Variants in USP54 observed in about 807,000 individuals in gnomAD.
USP54 encodes ubiquitin specific peptidase 54.
Under a neutral mutation model 170.5 loss-of-function variants are expected in USP54, and 87 were observed. That is an observed-to-expected ratio of 0.51 (90% CI 0.43 to 0.61). USP54 has a LOEUF of 0.61. USP54 is among the 20% of genes least tolerant of loss of function. The probability of loss-of-function intolerance (pLI) is 0.00; values close to 1 mark genes in which losing one functional copy is unlikely to be tolerated. For synonymous variants in USP54, 655 were observed against 742.8 expected (o/e 0.88, Z 1.92); for missense variants, 1,786 against 2,047.8 (o/e 0.87, Z 2.47).
At chr10:73,592,940 A>G (rs955311347), upstream of USP54, among the ~76,000 whole-genome samples, 6 of 152,222 alleles carry the variant, frequency 3.9e-5, no homozygotes, top group African/African-American at 1.2e-4. Flanking sequence ...TTCCCTCTTC[A>G]AGACTGCACA....
At chr10:73,516,347 T>TC (rs761145045) in intron 20 of USP54, 28 bp downstream of exon 20, 1 of 1,517,304 alleles carries the variant, frequency 6.6e-7, no homozygotes. Context: ...TCCTCCCCCC[T>TC]CCCCCCAACC....
chr10:73,613,206 C>T (rs915626242), intron 1 of USP54, among the ~76,000 whole-genome samples: 1 of 146,756 alleles, frequency 6.8e-6, no homozygotes, highest in Non-Finnish European at 1.5e-5. Flanking sequence ...GTGATCTTGG[C>T]TCACTGCAAC....
In USP54 at chr10:73,606,963, G is replaced by A. The variant is rs535255761; in HGVS notation, c.-18+18604C>T. 2.6e-5 allele frequency among the ~76,000 whole-genome samples: 4 copies of A among 151,372 alleles called. 1 individual carries two copies. The South Asian group carries it at 8.4e-4, about 32-fold the overall frequency. On this transcript the variant is annotated intron_variant, in intron 1 of 22. Transcript: ENST00000339859. ...CCTAACTGAACAGTTTCATACAACTGAAAAACCTAATATGTTCAGGGCAGC... is the reference window on the plus strand; with the variant it reads ...CCTAACTGAACAGTTTCATACAACTAAAAAACCTAATATGTTCAGGGCAGC...
intron 1 of USP54, among the ~76,000 whole-genome samples, chr10:73,604,649 G>A (rs1048860920): frequency 4.0e-5 from 6 of 149,212 alleles, no homozygotes; most frequent in Admixed American, 2.7e-4. Context: ...GGAGTGCAGT[G>A]GTGCAATCTT....
rs1398628376 is a variant in USP54 at position 73,561,119 on chromosome 10, A to AG, written c.240+10301_240+10302insC. ...GACTCCATCTCAAAAAAAAAAAAAA[A>AG]AAAAAAAAAGAAATCCAAGAACTAC... On this transcript the variant is annotated intron_variant, in intron 4 of 23. Transcript: ENST00000687698. 2.6e-5 allele frequency among the ~76,000 whole-genome samples: 4 copies of AG among 150,968 alleles called. No individual in the cohort carries two copies. In the East Asian group the frequency reaches 7.8e-4, roughly 29 times the overall value.
intron 1 of USP54, among the ~76,000 whole-genome samples, chr10:73,578,470 C>T (rs562095662): frequency 1.4e-4 from 22 of 151,996 alleles, no homozygotes; most frequent in Admixed American, 1.1e-3. Context: ...GGAGTGCAGT[C>T]GCGCAATATT....
intron 1 of USP54, among the ~76,000 whole-genome samples, chr10:73,590,231 T>C (rs905783334): frequency 2.0e-5 from 3 of 152,214 alleles, no homozygotes; most frequent in African/African-American, 7.2e-5. Flanking sequence ...CAGGTTGTAC[T>C]GGGAATTAGA....
chr10:73,542,904 G>C lies in USP54; in HGVS notation c.490-19C>G. The C allele has an allele frequency of 4.3e-6, 7 of 1,613,934 alleles. No individual in the cohort carries two copies. Among genetic ancestry groups the C allele is most frequent in the African/African-American group, 1.3e-5 (1 of 75,012 alleles). The stretch of plus-strand genomic sequence containing the variant: ...ATACACACTGGGCAAAAGAGAAAAA[G>C]GCAAAACCAAGCAACCATAATCAGG... On this transcript the variant is annotated intron_variant, in intron 6 of 23. Coordinates refer to ENST00000687698, the MANE Select transcript of USP54 (RefSeq NM_001391956.1).
chr10:73,612,452 A>G (rs1421563059), intron 1 of USP54, among the ~76,000 whole-genome samples: 1 of 152,174 alleles, frequency 6.6e-6, no homozygotes, highest in African/African-American at 2.4e-5. Flanking sequence ...AAGCATTATA[A>G]CAGCCTATTC....
At position 73,516,508 on chromosome 10, in the gene USP54, T is replaced by C. The variant is rs752087287; in HGVS notation, c.3918A>G (p.Pro1306=). ...YPERNHILLH[P]HWNQDTEQET... ...CCTGCTCTGTGTCTTGGTTCCAATGTGGATGCAAAAGGATGTGATTTCTCT... is the reference window on the plus strand; with the variant it reads ...CCTGCTCTGTGTCTTGGTTCCAATGCGGATGCAAAAGGATGTGATTTCTCT... The change falls in exon 20 of 24, where the codon CCA becomes CCG. Residue 1306 remains proline (P), a synonymous_variant. Transcript: ENST00000687698. The C allele has an allele frequency of 2.5e-6, 4 of 1,614,180 alleles. No individual in the cohort carries two copies. Among genetic ancestry groups the C allele is most frequent in the Non-Finnish European group, 3.4e-6 (4 of 1,180,040 alleles).
At chr10:73,620,864 C>CAAA (rs199524022) in intron 1 of USP54, among the ~76,000 whole-genome samples, 5,384 of 149,232 alleles carry the variant, frequency 0.036, 197 homozygotes, top group South Asian at 0.12. Flanking sequence ...AACTCTGTCT[C>CAAA]AAACAAACAG....
At chr10:73,548,145 G>A (rs2068296135) in intron 4 of USP54, among the ~76,000 whole-genome samples, 1 of 152,126 alleles carries the variant, frequency 6.6e-6, no homozygotes, top group African/African-American at 2.4e-5. Context: ...CATCGTCACT[G>A]GTCATCAGAG....
chr10:73,551,820 T>C (rs2133612170), intron 4 of USP54, among the ~76,000 whole-genome samples: 1 of 152,366 alleles, frequency 6.6e-6, no homozygotes, highest in Admixed American at 6.5e-5. Flanking sequence ...AGGATAGTTC[T>C]ATACAAATCT....
chr10:73,552,628 T>C (rs1721380790), intron 4 of USP54, among the ~76,000 whole-genome samples: 2 of 151,796 alleles, frequency 1.3e-5, no homozygotes, highest in African/African-American at 4.8e-5. Context: ...CCATCTCTAC[T>C]AAAATTACAA....
rs757004467 is a variant in USP54, at chr10:73,545,520, C to T, written c.375+18G>A. On this transcript the variant is annotated intron_variant, in intron 5 of 23. Transcript: ENST00000687698. ...CAGTCCCACCCCATATCAAAGAGGG[C>T]CAGAGGCCAGCACTTACAAAGCACT... 2 of 1,613,372 alleles carry T rather than the reference C, an allele frequency of 1.2e-6. No homozygotes were observed. Among genetic ancestry groups the T allele is most frequent in the East Asian group, 4.5e-5 (2 of 44,870 alleles).
rs775271772 is a variant in USP54, at chr10:73,505,335, A to G, written c.4143T>C (p.His1381=). 63 of 1,614,018 alleles carry G rather than the reference A, an allele frequency of 3.9e-5. No individual in the cohort carries two copies. Among genetic ancestry groups the G allele is most frequent in the South Asian group, 9.9e-5 (9 of 91,078 alleles). Residue 1381 remains histidine (H), a synonymous_variant, in exon 21 of 24, where the codon CAT becomes CAC. Coordinates refer to ENST00000687698, the MANE Select transcript of USP54 (RefSeq NM_001391956.1). ...GAGAAGTACGCACTGTTCTGGCTTCATGGAGACCATGCTCCATTTCTGCTG... is the reference window on the plus strand; with the variant it reads ...GAGAAGTACGCACTGTTCTGGCTTCGTGGAGACCATGCTCCATTTCTGCTG... ...TSTAEMEHGL[H]EARTVRTSQA...
chr10:73,523,825 G>T, intron 16 of USP54, 75 bp from the exon 17 acceptor site: 1 of 1,186,146 alleles, frequency 8.4e-7, no homozygotes, highest in Non-Finnish European at 1.1e-6. Flanking sequence ...TATGACCACT[G>T]CAATACTTTC....
intron 1 of USP54, among the ~76,000 whole-genome samples, chr10:73,615,891 G>C (rs137937361): frequency 8.3e-6 from 1 of 119,948 alleles, no homozygotes; most frequent in South Asian, 2.7e-4. Context: ...CCTGGGCAAC[G>C]AAGAGATCAG....
intron 4 of USP54, among the ~76,000 whole-genome samples, chr10:73,552,280 G>A (rs1350123815): frequency 1.3e-5 from 2 of 152,162 alleles, no homozygotes; most frequent in Non-Finnish European, 2.9e-5. Context: ...GGGCGTTGCG[G>A]TGAGCGCCTA....
Sources: allele counts gnomAD v4.1 joint callset (sites outside exome capture counted in the v4.1 genomes callset), GRCh38; gene constraint gnomAD v4.1.1; transcripts MANE v1.5; gene names NCBI Gene and HGNC (gene_info 2026-07-23, HGNC 2026-07-21).